Variants in PROK2 observed in about 807,000 individuals in gnomAD.
PROK2 encodes prokineticin 2, also known as prokineticin-2.
Under a neutral mutation model 14.2 loss-of-function variants are expected in PROK2, and 8 were observed. The ratio of observed to expected loss-of-function variants is 0.56; its 90% CI spans 0.33 to 1.02. PROK2 has a LOEUF of 1.02. Among genes scored for constraint, PROK2 ranks in the 50% least tolerant of loss-of-function variants. The pLI, the probability that PROK2 is intolerant of heterozygous loss-of-function variation, is 0.03. For synonymous variants in PROK2, 59 were observed against 60.7 expected (o/e 0.97, Z 0.13); for missense variants, 154 against 160.4 (o/e 0.96, Z 0.22).
intron 1 of PROK2, among the ~76,000 whole-genome samples, chr3:71,783,977 A>G (rs2050190556): frequency 1.3e-5 from 2 of 152,222 alleles, no homozygotes; most frequent in Non-Finnish European, 2.9e-5. Context: ...AAGTCAAATG[A>G]TATTATCTAT....
chr3:71,776,933 T>C lies in PROK2; in HGVS notation c.223-2426A>G, dbSNP rs188392119. Among the ~76,000 whole-genome samples, 9 of 152,332 alleles carry C rather than the reference T, an allele frequency of 5.9e-5. 1 individual carries two copies. Among genetic ancestry groups the C allele is most frequent in the Admixed American group, 5.2e-4 (8 of 15,302 alleles). Reference sequence around the variant, plus strand: ...AATTCCAAACAGCAAATTCTAGAAGTTACCGAGGCAGAACATCCAGCACTT... The same window carrying C: ...AATTCCAAACAGCAAATTCTAGAAGCTACCGAGGCAGAACATCCAGCACTT... On this transcript the variant is annotated intron_variant, in intron 2 of 3. Transcript: ENST00000295619.
At chr3:71,780,365 C>T (rs896084443) in intron 2 of PROK2, among the ~76,000 whole-genome samples, 8 of 152,226 alleles carry the variant, frequency 5.3e-5, no homozygotes, top group African/African-American at 1.9e-4. Flanking sequence ...TAACTGTTCT[C>T]TGGGACTGTG....
chr3:71,782,603 TGATAA>T lies in PROK2; in HGVS notation c.97-1016_97-1012del, dbSNP rs531968039. Reference sequence around the variant, plus strand: ...CGTGGGCAGTAATCTGTTTTGGTAGTGATAAGATAAAAACATCCTGTACTATATAT... The same window carrying T: ...CGTGGGCAGTAATCTGTTTTGGTAGTGATAAAAACATCCTGTACTATATAT... On this transcript the variant is annotated intron_variant, in intron 1 of 3. Transcript: ENST00000295619. Among the ~76,000 whole-genome samples, 170 of 152,296 alleles carry T rather than the reference TGATAA, an allele frequency of 1.1e-3. 1 individual carries two copies. Among genetic ancestry groups the T allele is most frequent in the African/African-American group, 3.4e-3 (141 of 41,560 alleles).
At chr3:71,775,631 T>C (rs1346026657) in intron 2 of PROK2, among the ~76,000 whole-genome samples, 1 of 152,178 alleles carries the variant, frequency 6.6e-6, no homozygotes, top group Non-Finnish European at 1.5e-5. Flanking sequence ...TAGAGGTAAG[T>C]GGCTTCCTTT....
chr3:71,776,184 G>T (rs1421088363), intron 2 of PROK2, among the ~76,000 whole-genome samples: 1 of 152,006 alleles, frequency 6.6e-6, no homozygotes, highest in Non-Finnish European at 1.5e-5. Context: ...ACATCAATCT[G>T]GATCTGCCTT....
chr3:71,774,642 T>G (rs2050104740), intron 2 of PROK2, 135 bp from the exon 3 acceptor site: 1 of 1,215,762 alleles, frequency 8.2e-7, no homozygotes, highest in African/African-American at 1.5e-5. Context: ...TCTGTCCTTT[T>G]GCTATGTCAT....
In PROK2 at chr3:71,785,027, A is replaced by T. The variant is rs1419066589; in HGVS notation, c.26T>A (p.Leu9His). The stretch of plus-strand genomic sequence containing the variant: ...CGGCGGCAGCAGCAAGAGGAGCAGG[A>T]GTGGGGCGCAGCACAGGCTCCTCAT... The part of the protein sequence containing the change: MRSLCCAP[L>H]LLLLLLPPLL... Residue 9 changes from leucine to histidine, a missense_variant, in exon 1 of 4, where the codon CTC becomes CAC. By Grantham distance (99) the Leu-to-His change is moderately conservative. Coordinates refer to ENST00000295619, the MANE Select transcript of PROK2 (RefSeq NM_001126128.2). 8.0e-7 allele frequency: 1 copy of T among 1,244,496 alleles called. No homozygotes were observed. Among genetic ancestry groups the T allele is most frequent in the African/African-American group, 1.6e-5 (1 of 64,434 alleles). 77.1% of individuals were successfully genotyped at this position (1,244,496 alleles called of 1,614,324 possible).
At chr3:71,784,661 C>A (rs1208294751) in intron 1 of PROK2, among the ~76,000 whole-genome samples, 2 of 152,106 alleles carry the variant, frequency 1.3e-5, no homozygotes, top group African/African-American at 4.8e-5. Context: ...AAGAAAAATG[C>A]GAGGAGTGAG....
At chr3:71,773,490 T>G (rs907078511) in intron 3 of PROK2, among the ~76,000 whole-genome samples, 1 of 152,204 alleles carries the variant, frequency 6.6e-6, no homozygotes, top group African/African-American at 2.4e-5. Context: ...CTGTACGGCC[T>G]TTTACTTTTT....
chr3:71,784,238 T>G (rs1559627805), intron 1 of PROK2, among the ~76,000 whole-genome samples: 1 of 152,180 alleles, frequency 6.6e-6, no homozygotes, highest in African/African-American at 2.4e-5. Context: ...AGTTCCTACT[T>G]ACAGAAAAGA....
Position 71,774,526 on chromosome 3 carries a change from C to T in PROK2, c.223-19G>A, listed in dbSNP as rs539208425. Reference sequence around the variant, plus strand: ...AATTGTTCTGGAAGGGCCAGGGAGACGATTGAGATCAATAAATACAAAGGG... The same window carrying T: ...AATTGTTCTGGAAGGGCCAGGGAGATGATTGAGATCAATAAATACAAAGGG... On this transcript the variant is annotated intron_variant, in intron 2 of 3. Transcript: ENST00000295619. The T allele has an allele frequency of 4.5e-5, 70 of 1,547,768 alleles. No individual in the cohort carries two copies. The highest frequency in any genetic ancestry group is 6.9e-5 in the African/African-American group (5 of 72,800).
chr3:71,783,711 T>C (rs995705657), intron 1 of PROK2, among the ~76,000 whole-genome samples: 2 of 152,144 alleles, frequency 1.3e-5, no homozygotes, highest in African/African-American at 4.8e-5. Flanking sequence ...GAGAAAAAAA[T>C]CCAATCATGT....
chr3:71,778,437 T>C lies in PROK2; in HGVS notation c.222+3030A>G, dbSNP rs116898429. Among the ~76,000 whole-genome samples the C allele has an allele frequency of 3.0e-4, 45 of 152,244 alleles. No homozygotes were observed. The East Asian group carries it at 8.1e-3, about 27-fold the overall frequency. On this transcript the variant is annotated intron_variant, in intron 2 of 3. Transcript: ENST00000295619. The stretch of plus-strand genomic sequence containing the variant: ...ACTGTAAACTGTACAAGTTAATTGG[T>C]ACATGTTAAATAAAACAGCAAACTG...
At chr3:71,773,014 C>G (rs1231164645) in intron 3 of PROK2, among the ~76,000 whole-genome samples, 186 bp from the exon 4 acceptor site, 1 of 152,166 alleles carries the variant, frequency 6.6e-6, no homozygotes, top group African/African-American at 2.4e-5. Flanking sequence ...GAGTCTTGCT[C>G]TGTCGTCCAG....
Position 71,781,624 on chromosome 3 carries a change from G to T in PROK2, c.97-32C>A, listed in dbSNP as rs761253418. Reference sequence around the variant, plus strand: ...TGTAATAAACAAACAGATAAATATAGATAACAGGAAAGACTCAGGCTAAGG... The same window carrying T: ...TGTAATAAACAAACAGATAAATATATATAACAGGAAAGACTCAGGCTAAGG... On this transcript the variant is annotated intron_variant, in intron 1 of 3. Coordinates refer to ENST00000295619, the MANE Select transcript of PROK2 (RefSeq NM_001126128.2). 2.5e-6 allele frequency: 4 copies of T among 1,600,576 alleles called. No individual in the cohort carries two copies. In the South Asian group the frequency reaches 4.4e-5, roughly 18 times the overall value.
Position 71,772,613 on chromosome 3 carries a change from T to G in PROK2, c.*111A>C, listed in dbSNP as rs961380817. Reference sequence around the variant, plus strand: ...AAAGATAAAAATGTTACTTGGAAAGTTGAGGAAGCAAGAGCATTTCTTTCT... The same window carrying G: ...AAAGATAAAAATGTTACTTGGAAAGGTGAGGAAGCAAGAGCATTTCTTTCT... On this transcript the variant is annotated 3_prime_UTR_variant, in exon 4 of 4. Coordinates refer to ENST00000295619, the MANE Select transcript of PROK2 (RefSeq NM_001126128.2). 5 of 899,876 alleles carry G rather than the reference T, an allele frequency of 5.6e-6. No individual in the cohort carries two copies. In the African/African-American group the frequency reaches 6.7e-5, roughly 12 times the overall value. 55.7% of individuals were successfully genotyped at this position (899,876 alleles called of 1,614,324 possible).
Position 71,784,991 on chromosome 3 carries a change from G to T in PROK2, c.62C>A (p.Thr21Lys). The part of the protein sequence containing the change: ...LLLLLPPLLL[T>K]PRAGDAAVIT... Reference sequence around the variant, plus strand: ...CACGGCGGCGTCCCCAGCGCGGGGCGTGAGCAGCAGCGGCGGCAGCAGCAA... The same window carrying T: ...CACGGCGGCGTCCCCAGCGCGGGGCTTGAGCAGCAGCGGCGGCAGCAGCAA... The change falls in exon 1 of 4, where the codon ACG (threonine) becomes AAG (lysine). Residue 21 changes from threonine to lysine, a missense_variant. By Grantham distance (78) the Thr-to-Lys change is moderately conservative. Transcript: ENST00000295619. 8.0e-7 allele frequency: 1 copy of T among 1,249,236 alleles called. No homozygotes were observed. 77.4% of individuals were successfully genotyped at this position (1,249,236 alleles called of 1,614,324 possible).
chr3:71,776,535 G>A (rs1315120549), intron 2 of PROK2, among the ~76,000 whole-genome samples: 3 of 151,836 alleles, frequency 2.0e-5, no homozygotes, highest in Admixed American at 2.0e-4. Flanking sequence ...GTGCCACCAT[G>A]CCCAGCTAAT....
chr3:71,774,354 G>A (rs2050102321), intron 3 of PROK2, 91 bp downstream of exon 3: 2 of 1,546,716 alleles, frequency 1.3e-6, no homozygotes, highest in Non-Finnish European at 1.7e-6. Context: ...TGAACTGATA[G>A]GACAGACCCA....
Sources: gnomAD v4.1 joint callset for allele counts (sites outside exome capture counted in the v4.1 genomes callset) on GRCh38, gnomAD v4.1.1 for gene constraint, MANE v1.5 for transcripts, NCBI Gene and HGNC (gene_info 2026-07-23, HGNC 2026-07-21) for gene names.